The following EPC2 variants were observed in gnomAD, a reference collection of about 807,000 sequenced individuals.
EPC2 encodes enhancer of polycomb 2.
In EPC2, 14 loss-of-function variants were observed where a neutral mutation model predicts 92.1. The ratio of observed to expected loss-of-function variants is 0.15; its 90% confidence interval spans 0.10 to 0.24. EPC2 has a LOEUF of 0.24. EPC2 is among the 10% of genes least tolerant of loss of function. EPC2 has a pLI of 1.00. For synonymous variants in EPC2, 340 were observed against 334.7 expected (o/e 1.02, Z -0.17); for missense variants, 755 against 971.5 (o/e 0.78, Z 2.96).
chr2:148,694,304 T>G (rs145839886), intron 2 of EPC2, among the ~76,000 whole-genome samples: 1 of 152,214 alleles, frequency 6.6e-6, no homozygotes, highest in East Asian at 1.9e-4. Context: ...CAATCTGTTA[T>G]GAAAGTGAGA....
chr2:148,655,077 T>A (rs927062314), intron 1 of EPC2, among the ~76,000 whole-genome samples: 2 of 152,196 alleles, frequency 1.3e-5, no homozygotes, highest in East Asian at 3.8e-4. Flanking sequence ...AGTCATGCCA[T>A]TTATTTGATT....
chr2:148,775,339 C>T (rs1000611270), intron 10 of EPC2, among the ~76,000 whole-genome samples: 5 of 151,792 alleles, frequency 3.3e-5, no homozygotes, highest in African/African-American at 7.2e-5. Flanking sequence ...TTCATATAAA[C>T]GGGATAATCC....
intron 2 of EPC2, among the ~76,000 whole-genome samples, chr2:148,729,733 C>T (rs1682580533): frequency 6.6e-6 from 1 of 152,074 alleles, no homozygotes; most frequent in Non-Finnish European, 1.5e-5. Context: ...ACACAACTGC[C>T]TTTTAAAATC....
chr2:148,753,436 T>G (rs896866515), intron 3 of EPC2, among the ~76,000 whole-genome samples: 2 of 152,180 alleles, frequency 1.3e-5, no homozygotes, highest in Non-Finnish European at 2.9e-5. Context: ...TATAATCAAT[T>G]CCGAAAGAGG....
chr2:148,781,819 T>C, intron 11 of EPC2, 39 bp downstream of exon 11: 1 of 1,610,522 alleles, frequency 6.2e-7, no homozygotes, highest in East Asian at 2.2e-5. Context: ...TTTGTTTCTT[T>C]CATCATTATG....
chr2:148,766,673 C>T (rs1683415466), intron 7 of EPC2, among the ~76,000 whole-genome samples: 1 of 152,156 alleles, frequency 6.6e-6, no homozygotes, highest in Non-Finnish European at 1.5e-5. Context: ...ATTGCTGGAG[C>T]ACAAAACATA....
chr2:148,710,851 T>C (rs573051639), intron 2 of EPC2, among the ~76,000 whole-genome samples: 1 of 151,902 alleles, frequency 6.6e-6, no homozygotes, highest in African/African-American at 2.4e-5. Context: ...TGTTGTGGGT[T>C]GGGGGGAGTG....
intron 2 of EPC2, among the ~76,000 whole-genome samples, chr2:148,735,787 TATC>T (rs915667253): frequency 2.6e-5 from 4 of 152,096 alleles, no homozygotes; most frequent in African/African-American, 9.6e-5. Flanking sequence ...GTTTTCTTAA[TATC>T]ATCAAATATT....
intron 2 of EPC2, among the ~76,000 whole-genome samples, chr2:148,714,064 C>G (rs1416870988): frequency 4.3e-5 from 6 of 140,516 alleles, no homozygotes; most frequent in African/African-American, 1.3e-4. Context: ...TCCCACCCCC[C>G]ACCCTCTGAC....
chr2:148,723,519 CT>C (rs1682425181), intron 2 of EPC2, among the ~76,000 whole-genome samples: 1 of 152,182 alleles, frequency 6.6e-6, no homozygotes, highest in Non-Finnish European at 1.5e-5. Context: ...AGTTGTGATT[CT>C]GTGTATTCAC....
intron 13 of EPC2, 68 bp downstream of exon 13, chr2:148,785,069 T>C: frequency 7.8e-7 from 1 of 1,284,230 alleles, no homozygotes; most frequent in Admixed American, 3.2e-5. Context: ...AAAAAGACTT[T>C]TTTTTACACT....
intron 1 of EPC2, among the ~76,000 whole-genome samples, chr2:148,649,182 C>A (rs1680605917): frequency 6.6e-6 from 1 of 152,036 alleles, no homozygotes; most frequent in Non-Finnish European, 1.5e-5. Context: ...TCATTTAATC[C>A]TTTTTTTAAA....
chr2:148,664,846 T>G (rs1681027559), intron 1 of EPC2, among the ~76,000 whole-genome samples: 1 of 152,246 alleles, frequency 6.6e-6, no homozygotes, highest in Non-Finnish European at 1.5e-5. Flanking sequence ...TGCTGAATAG[T>G]ATTTCAGTTT....
At chr2:148,696,293 A>G (rs1018900276) in intron 2 of EPC2, among the ~76,000 whole-genome samples, 1 of 152,198 alleles carries the variant, frequency 6.6e-6, no homozygotes, top group Non-Finnish European at 1.5e-5. Context: ...TACAGGAGAA[A>G]AAAAAGGTAA....
At chr2:148,685,735 C>G (rs900668715) in intron 1 of EPC2, among the ~76,000 whole-genome samples, 1 of 152,172 alleles carries the variant, frequency 6.6e-6, no homozygotes, top group African/African-American at 2.4e-5. Flanking sequence ...CCACTGCACT[C>G]TAGCCTGGGC....
Position 148,660,074 on chromosome 2 carries a change from C to G in EPC2, c.153+14904C>G, listed in dbSNP as rs190732105. 1.1e-3 allele frequency among the ~76,000 whole-genome samples: 160 copies of G among 152,142 alleles called. 1 individual carries two copies. The highest frequency in any genetic ancestry group is 3.7e-3 in the African/African-American group (153 of 41,528). On this transcript the variant is annotated intron_variant, in intron 1 of 13. Coordinates refer to ENST00000258484, the MANE Select transcript of EPC2 (RefSeq NM_015630.4). Reference sequence around the variant, plus strand: ...CAGAAAAAGTGTGAAGAAGAAAACACAAATCCCTTAAATTTCCACATCTCT... The same window carrying G: ...CAGAAAAAGTGTGAAGAAGAAAACAGAAATCCCTTAAATTTCCACATCTCT...
intron 1 of EPC2, among the ~76,000 whole-genome samples, chr2:148,656,026 G>GTGTGTGTGT (rs1230427174): frequency 0.12 from 9,692 of 84,246 alleles, 859 homozygotes; most frequent in East Asian, 0.35. Context: ...TGTGTGTGTG[G>GTGTGTGTGT]GGGGGGGGGG....
chr2:148,773,293 G>C (rs1005985922), intron 10 of EPC2, among the ~76,000 whole-genome samples: 1 of 151,980 alleles, frequency 6.6e-6, no homozygotes, highest in African/African-American at 2.4e-5. Flanking sequence ...ACTTCTCAGG[G>C]AATTTAAGTC....
chr2:148,694,769 C>G (rs72862688), intron 2 of EPC2, among the ~76,000 whole-genome samples: 1,965 of 152,234 alleles, frequency 0.013, 23 homozygotes, highest in Non-Finnish European at 0.021. Flanking sequence ...TCTCCTCCCC[C>G]CGCCCAAACC....
Sources: gnomAD v4.1 joint callset for allele counts (sites outside exome capture counted in the v4.1 genomes callset) on GRCh38, gnomAD v4.1.1 for gene constraint, MANE v1.5 for transcripts, NCBI Gene and HGNC (gene_info 2026-07-23, HGNC 2026-07-21) for gene names.